Variants in COBL observed in about 807,000 individuals in gnomAD.
COBL encodes the protein protein cordon-bleu.
A neutral mutation model predicts 98.8 loss-of-function variants in COBL; 51 were observed. The ratio of observed to expected loss-of-function variants is 0.52; its 90% CI spans 0.41 to 0.65. COBL has a LOEUF of 0.65. Ranked by LOEUF, COBL falls within the 30% of genes least tolerant of loss-of-function variation. The pLI is 0.00. For missense variants in COBL, 1,617 were observed against 1,617.5 expected (o/e 1.00, Z 0.01); for synonymous variants, 634 against 651.7 (o/e 0.97, Z 0.41).
chr7:51,095,570 T>C (rs1795198805), intron 6 of COBL, among the ~76,000 whole-genome samples: 1 of 152,076 alleles, frequency 6.6e-6, no homozygotes, highest in Admixed American at 6.6e-5. Flanking sequence ...AATCAAAATA[T>C]ATAATCAAAA....
At chr7:51,047,271 CA>C (rs1789804911) in intron 7 of COBL, among the ~76,000 whole-genome samples, 1 of 152,190 alleles carries the variant, frequency 6.6e-6, no homozygotes, top group Non-Finnish European at 1.5e-5. Context: ...AATGAATAGC[CA>C]CAGAGCCTGA....
intron 5 of COBL, among the ~76,000 whole-genome samples, chr7:51,170,197 CT>C (rs1787715410): frequency 6.6e-6 from 1 of 151,824 alleles, no homozygotes; most frequent in African/African-American, 2.4e-5. Context: ...CTACACTTTT[CT>C]TTTTTCCTTA....
In COBL at chr7:51,025,146, G is replaced by T; in HGVS notation, c.3731C>A (p.Ala1244Asp). The change falls in exon 12 of 13, where the codon GCC (alanine) becomes GAC (aspartate). Residue 1244 changes from alanine (A) to aspartate (D), a missense_variant. Coordinates refer to ENST00000265136, the MANE Select transcript of COBL (RefSeq NM_015198.5). ...TADARQALMD[A>D]IRSGTGAARL... ...CGCAGCCCCTGTGCCGGAGCGGATG[G>T]CGTCCATCAAGGCTTGCCTTGCGTC... The T allele has an allele frequency of 1.2e-6, 2 of 1,611,848 alleles. No homozygotes were observed. Among genetic ancestry groups the T allele is most frequent in the Non-Finnish European group, 1.7e-6 (2 of 1,179,834 alleles).
chr7:51,075,600 T>C lies in COBL; in HGVS notation c.1096+9566A>G, dbSNP rs1004808156. On this transcript the variant is annotated intron_variant, in intron 7 of 12. Transcript: ENST00000265136. Reference sequence around the variant, plus strand: ...TTTTAATAGTGGATCTGTTCAGCCATTGGTTTGCAAAATTCCTGAAATTTT... The same window carrying C: ...TTTTAATAGTGGATCTGTTCAGCCACTGGTTTGCAAAATTCCTGAAATTTT... Among the ~76,000 whole-genome samples, 21 of 152,282 alleles carry C rather than the reference T, an allele frequency of 1.4e-4. No homozygotes were observed. In the East Asian group the frequency reaches 1.9e-3, roughly 14 times the overall value.
intron 1 of COBL, among the ~76,000 whole-genome samples, chr7:51,291,406 A>C (rs1488383460): frequency 1.3e-5 from 2 of 152,220 alleles, no homozygotes; most frequent in Admixed American, 6.5e-5. Flanking sequence ...ATGGACAGGA[A>C]ATTAGCTGTC....
intron 1 of COBL, among the ~76,000 whole-genome samples, chr7:51,233,388 C>G (rs554557504): frequency 6.6e-6 from 1 of 151,004 alleles, no homozygotes; most frequent in Non-Finnish European, 1.5e-5. Flanking sequence ...TTGCCTTCAC[C>G]AAGGCACCCA....
intron 1 of COBL, among the ~76,000 whole-genome samples, chr7:51,230,125 GGAGTGTGCCCCCAGCTGCCCCCATCA>G (rs1310232981): frequency 6.6e-6 from 1 of 152,142 alleles, no homozygotes; most frequent in Non-Finnish European, 1.5e-5. Flanking sequence ...TGAGAAGCAA[GGAGTGTGCCCCCAGCTGCCCCCATCA>G]GACACACACC....
chr7:51,279,717 G>A (rs941131318), intron 1 of COBL, among the ~76,000 whole-genome samples: 8 of 152,136 alleles, frequency 5.3e-5, no homozygotes, highest in African/African-American at 1.9e-4. Context: ...ACAATGACAC[G>A]TATTCATCAT....
At chr7:51,140,982 C>T (rs1320803424) in intron 5 of COBL, among the ~76,000 whole-genome samples, 2 of 152,096 alleles carry the variant, frequency 1.3e-5, no homozygotes, top group Non-Finnish European at 2.9e-5. Flanking sequence ...CACGAGCACA[C>T]CCATCACACA....
At chr7:51,072,192 TAGAG>T (rs2128924393) in intron 7 of COBL, 1 of 152,328 alleles carries the variant, frequency 6.6e-6, no homozygotes, top group Non-Finnish European at 1.5e-5. Context: ...AAACATCTTT[TAGAG>T]AGAAACATGA....
At chr7:51,245,664 G>A (rs909031668) in intron 1 of COBL, among the ~76,000 whole-genome samples, 1 of 152,144 alleles carries the variant, frequency 6.6e-6, no homozygotes, top group Non-Finnish European at 1.5e-5. Context: ...TAATTCCTAG[G>A]GAGTCTATAA....
chr7:51,247,323 GTGGAATCATGTTCTCTGTTCCCTCTCAAC>G (rs1425678218), intron 1 of COBL, among the ~76,000 whole-genome samples: 1 of 152,168 alleles, frequency 6.6e-6, no homozygotes, highest in Non-Finnish European at 1.5e-5. Context: ...CCCACAGCCA[GTGGAATCATGTTCTCTGTTCCCTCTCAAC>G]TATCAGAACC....
intron 7 of COBL, among the ~76,000 whole-genome samples, chr7:51,044,545 A>G (rs1789512764): frequency 6.6e-6 from 1 of 152,214 alleles, no homozygotes. Flanking sequence ...TGTATATTAG[A>G]GTTGTTATTG....
At chr7:51,051,613 A>G (rs1249847753) in intron 7 of COBL, among the ~76,000 whole-genome samples, 2 of 152,192 alleles carry the variant, frequency 1.3e-5, no homozygotes, top group Non-Finnish European at 2.9e-5. Context: ...CTGTGTTTAA[A>G]TGGGGGTATC....
intron 1 of COBL, among the ~76,000 whole-genome samples, chr7:51,311,436 A>C (rs1225395017): frequency 6.6e-6 from 1 of 152,218 alleles, no homozygotes; most frequent in African/African-American, 2.4e-5. Context: ...GCACCAGAGG[A>C]GACAGCAAAC....
At chr7:51,039,011 G>A (rs1174933797) in intron 8 of COBL, among the ~76,000 whole-genome samples, 1 of 152,136 alleles carries the variant, frequency 6.6e-6, no homozygotes, top group Admixed American at 6.5e-5. Context: ...GGTCATCCAG[G>A]GTAGGGCCAG....
At chr7:51,276,329 C>T (rs1225143494) in intron 1 of COBL, among the ~76,000 whole-genome samples, 1 of 152,190 alleles carries the variant, frequency 6.6e-6, no homozygotes, top group Non-Finnish European at 1.5e-5. Flanking sequence ...GCTGTGGCTT[C>T]CTGGGAGCCC....
At chr7:51,134,044 G>A (rs548720427) in intron 6 of COBL, among the ~76,000 whole-genome samples, 1 of 152,230 alleles carries the variant, frequency 6.6e-6, no homozygotes, top group South Asian at 2.1e-4. Flanking sequence ...CCTTGTTCAG[G>A]ACACTGGTGT....
intron 6 of COBL, among the ~76,000 whole-genome samples, chr7:51,086,725 T>A (rs1794294306): frequency 6.6e-6 from 1 of 152,156 alleles, no homozygotes; most frequent in Non-Finnish European, 1.5e-5. Flanking sequence ...AAAATATATG[T>A]AAAAGGAAGA....
Sources: gnomAD v4.1 joint callset for allele counts (sites outside exome capture counted in the v4.1 genomes callset) on GRCh38, gnomAD v4.1.1 for gene constraint, MANE v1.5 for transcripts, NCBI Gene and HGNC (gene_info 2026-07-23, HGNC 2026-07-21) for gene names.